The following TRIM9 variants were observed in gnomAD, a reference collection of about 807,000 sequenced individuals.
TRIM9 encodes E3 ubiquitin-protein ligase TRIM9.
Under a neutral mutation model 78.3 loss-of-function variants are expected in TRIM9, and 26 were observed. That is an observed-to-expected ratio of 0.33 (90% CI 0.24 to 0.46). TRIM9 has a LOEUF of 0.46. TRIM9 is among the 20% of genes least tolerant of loss of function. The probability of loss-of-function intolerance (pLI) is 1.00; values close to 1 mark genes in which losing one functional copy is unlikely to be tolerated. For missense variants in TRIM9, 787 were observed against 1,036.4 expected, an observed-to-expected ratio of 0.76 and a Z score of 3.30; for synonymous variants, 398 against 416.5, an observed-to-expected ratio of 0.96 and a Z score of 0.54.
intron 1 of TRIM9, among the ~76,000 whole-genome samples, chr14:51,079,392 TAG>T (rs2063101612): frequency 6.6e-6 from 1 of 152,212 alleles, no homozygotes; most frequent in Admixed American, 6.5e-5. Flanking sequence ...TCAATGTAAG[TAG>T]AACTTCCAGG....
At chr14:51,044,579 T>C (rs886392230) in intron 1 of TRIM9, among the ~76,000 whole-genome samples, 2 of 152,170 alleles carry the variant, frequency 1.3e-5, no homozygotes, top group Admixed American at 6.5e-5. Context: ...AGCAGCCATT[T>C]TGAACCATGA....
chr14:51,033,182 C>T (rs368909905), intron 1 of TRIM9, among the ~76,000 whole-genome samples: 6 of 152,158 alleles, frequency 3.9e-5, no homozygotes, highest in African/African-American at 7.2e-5. Flanking sequence ...CTCCACCTCC[C>T]GGGTTCAAGC....
At chr14:50,979,217 GA>G (rs1303035488) in intron 12 of TRIM9, 169 bp downstream of exon 12, 6 of 1,466,420 alleles carry the variant, frequency 4.1e-6, no homozygotes, top group Non-Finnish European at 5.4e-6. Context: ...GCTTGGCGTG[GA>G]ATAAAATAAG....
intron 5 of TRIM9, among the ~76,000 whole-genome samples, chr14:51,005,814 A>G (rs1484480862): frequency 1.3e-5 from 2 of 152,178 alleles, no homozygotes; most frequent in African/African-American, 4.8e-5. Context: ...TGCCATTACA[A>G]TTTAGGGATA....
chr14:51,000,619 T>C lies in TRIM9; in HGVS notation c.1464+64A>G, dbSNP rs2054854488. On this transcript the variant is annotated intron_variant, in intron 6 of 12. Transcript: ENST00000684578. Reference sequence around the variant, plus strand: ...TGGGGAAGCCAGCCCTGAGACTCCCTGGCAGGTCCTCTGACAGAGTCACTG... The same window carrying C: ...TGGGGAAGCCAGCCCTGAGACTCCCCGGCAGGTCCTCTGACAGAGTCACTG... 6 of 1,592,790 alleles carry C rather than the reference T, an allele frequency of 3.8e-6. No homozygotes were observed. The South Asian group carries it at 4.5e-5, about 12-fold the overall frequency.
chr14:51,090,038 G>C (rs2064159188), intron 1 of TRIM9: 1 of 152,222 alleles, frequency 6.6e-6, no homozygotes, highest in Non-Finnish European at 1.5e-5. Context: ...CTGCAAGTAA[G>C]TGGCAGCATT....
chr14:51,039,892 G>T (rs947530121), intron 1 of TRIM9, among the ~76,000 whole-genome samples: 1 of 151,724 alleles, frequency 6.6e-6, no homozygotes, highest in African/African-American at 2.4e-5. Flanking sequence ...GACTACAGGC[G>T]CCCGCCACCA....
chr14:51,039,102 G>A (rs1227438074), intron 1 of TRIM9, among the ~76,000 whole-genome samples: 3 of 152,192 alleles, frequency 2.0e-5, no homozygotes, highest in African/African-American at 7.2e-5. Context: ...CAACACCGAT[G>A]CAAAGATTGG....
intron 12 of TRIM9, chr14:50,978,856 G>A: frequency 1.0e-6 from 1 of 955,916 alleles, no homozygotes; most frequent in Non-Finnish European, 1.2e-6. Flanking sequence ...ATGAATAAAT[G>A]AGAAGCTGTT....
chr14:51,016,745 A>C (rs957798140), intron 3 of TRIM9, among the ~76,000 whole-genome samples: 1 of 152,140 alleles, frequency 6.6e-6, no homozygotes, highest in African/African-American at 2.4e-5. Flanking sequence ...ACTGTCTTCC[A>C]TGAAACTGCT....
At chr14:51,089,177 G>A (rs1006502476) in intron 1 of TRIM9, 1 of 152,166 alleles carries the variant, frequency 6.6e-6, no homozygotes, top group Non-Finnish European at 1.5e-5. Flanking sequence ...CACTTCCCAT[G>A]AAATCCTCTG....
intron 7 of TRIM9, among the ~76,000 whole-genome samples, chr14:50,991,561 T>A (rs1031850029): frequency 2.0e-5 from 3 of 152,324 alleles, no homozygotes; most frequent in Admixed American, 6.5e-5. Flanking sequence ...GTAGACCATA[T>A]ACATTTCCTT....
At chr14:51,021,762 C>T (rs988665101) in intron 3 of TRIM9, among the ~76,000 whole-genome samples, 1 of 152,196 alleles carries the variant, frequency 6.6e-6, no homozygotes, top group African/African-American at 2.4e-5. Flanking sequence ...ATGCATTCAT[C>T]CTTCCTCTCA....
chr14:51,029,498 C>G (rs2058547761), intron 1 of TRIM9, among the ~76,000 whole-genome samples: 1 of 152,192 alleles, frequency 6.6e-6, no homozygotes, highest in African/African-American at 2.4e-5. Context: ...TGCAATGGGA[C>G]TTTGAGGGAA....
At chr14:51,000,565 C>G (rs2054847405) in intron 6 of TRIM9, 118 bp downstream of exon 6, 1 of 1,395,708 alleles carries the variant, frequency 7.2e-7, no homozygotes, top group Non-Finnish European at 9.8e-7. Context: ...CAGGCAGGCC[C>G]TGCCAGGATG....
chr14:51,074,209 A>C (rs999213067), intron 1 of TRIM9, among the ~76,000 whole-genome samples: 1 of 152,140 alleles, frequency 6.6e-6, no homozygotes, highest in African/African-American at 2.4e-5. Context: ...ACTTGAGCCC[A>C]GGAGTTCAAG....
chr14:50,988,411 G>A (rs1472778997), intron 7 of TRIM9: 1 of 152,022 alleles, frequency 6.6e-6, no homozygotes, highest in Admixed American at 6.6e-5. Flanking sequence ...GGGGACTGAG[G>A]GTAGCTATGG....
chr14:51,079,247 T>C (rs1166816539), intron 1 of TRIM9, among the ~76,000 whole-genome samples: 1 of 152,214 alleles, frequency 6.6e-6, no homozygotes, highest in Non-Finnish European at 1.5e-5. Flanking sequence ...AATTGAACTA[T>C]TTGGCTCCAC....
chr14:51,011,595 T>A (rs1427441043), intron 3 of TRIM9, among the ~76,000 whole-genome samples: 1 of 152,240 alleles, frequency 6.6e-6, no homozygotes, highest in African/African-American at 2.4e-5. Context: ...GTGTTTTGGA[T>A]TTTATGGATA....
Sources: gnomAD v4.1 joint callset for allele counts (sites outside exome capture counted in the v4.1 genomes callset) on GRCh38, gnomAD v4.1.1 for gene constraint, MANE v1.5 for transcripts, NCBI Gene and HGNC (gene_info 2026-07-23, HGNC 2026-07-21) for gene names.